UMAD1: variants seen among roughly 807,000 people sequenced by gnomAD.
UMAD1 encodes UBAP1-MVB12-associated (UMA)-domain containing protein 1.
In UMAD1, 8 loss-of-function variants were observed where a neutral mutation model predicts 6.1. That is an observed-to-expected ratio of 1.30 (90% CI 0.76 to 2.35). The LOEUF (loss-of-function observed/expected upper bound fraction) is 2.35, where lower values mean the gene tolerates loss of function less well. UMAD1 is among the 30% of genes most tolerant of loss of function. The pLI is 0.00. For missense variants in UMAD1, 130 were observed against 78.4 expected (o/e 1.66, Z -2.49); for synonymous variants, 56 against 31.4 (o/e 1.78, Z -2.61).
intron 2 of UMAD1, among the ~76,000 whole-genome samples, chr7:7,683,170 C>T (rs1019090410): frequency 3.3e-5 from 5 of 152,140 alleles, no homozygotes; most frequent in South Asian, 2.1e-4. Flanking sequence ...TCATTTTTTT[C>T]GGGGACTCAG....
At chr7:7,683,961 G>A (rs1779977999) in intron 2 of UMAD1, among the ~76,000 whole-genome samples, 1 of 152,064 alleles carries the variant, frequency 6.6e-6, no homozygotes, top group South Asian at 2.1e-4. Context: ...GTTTTCCCTT[G>A]GTATCTGTGG....
intron 2 of UMAD1, among the ~76,000 whole-genome samples, chr7:7,800,538 C>G (rs1429171550): frequency 6.6e-6 from 1 of 150,586 alleles, no homozygotes; most frequent in Non-Finnish European, 1.5e-5. Context: ...GTGCACCCAT[C>G]ACCTGAGCGG....
In UMAD1 at chr7:7,751,113, T is replaced by TACACA. The variant is rs1360506867; in HGVS notation, c.83-50556_83-50555insCACAA. On this transcript the variant is annotated intron_variant, in intron 2 of 3. Transcript: ENST00000682710. Reference sequence around the variant, plus strand: ...TGTGTATATAGCTGAGCAATGTGAATATAATGCTGTCATTATTGTTTTCTG... The same window carrying TACACA: ...TGTGTATATAGCTGAGCAATGTGAATACACAATAATGCTGTCATTATTGTTTTCTG... Among the ~76,000 whole-genome samples the TACACA allele has an allele frequency of 3.4e-4, 52 of 152,354 alleles. No homozygotes were observed. In the East Asian group the frequency reaches 6.0e-3, roughly 17 times the overall value.
intron 3 of UMAD1, among the ~76,000 whole-genome samples, chr7:7,822,570 G>A (rs1276629211): frequency 6.6e-6 from 1 of 152,102 alleles, no homozygotes; most frequent in East Asian, 1.9e-4. Context: ...CCAGCACACA[G>A]ACCACTTGGT....
chr7:7,867,012 G>A (rs73061256), intron 3 of UMAD1, among the ~76,000 whole-genome samples: 21,832 of 152,090 alleles, frequency 0.14, 2,209 homozygotes, highest in Non-Finnish European at 0.2. Context: ...TTTATTGCAT[G>A]GAGGAAGTGA....
chr7:7,839,987 C>T (rs957581404), intron 3 of UMAD1, among the ~76,000 whole-genome samples: 2 of 151,968 alleles, frequency 1.3e-5, no homozygotes, highest in African/African-American at 2.4e-5. Flanking sequence ...AAAACATGGT[C>T]GGAACAAACA....
chr7:7,766,789 A>G (rs566245393), intron 2 of UMAD1, among the ~76,000 whole-genome samples: 3 of 152,202 alleles, frequency 2.0e-5, no homozygotes, highest in Non-Finnish European at 4.4e-5. Flanking sequence ...GATTTGGACA[A>G]TTCATTTTAA....
chr7:7,779,282 TC>T, intron 2 of UMAD1, among the ~76,000 whole-genome samples: 1 of 108,564 alleles, frequency 9.2e-6, no homozygotes, highest in East Asian at 2.4e-4. Context: ...GGAAGAAAAA[TC>T]TTTTTTTTAA....
At chr7:7,828,655 G>T (rs1783395377) in intron 3 of UMAD1, among the ~76,000 whole-genome samples, 1 of 152,154 alleles carries the variant, frequency 6.6e-6, no homozygotes, top group African/African-American at 2.4e-5. Context: ...AAAGGGGATA[G>T]CTCTTGACCT....
intron 2 of UMAD1, among the ~76,000 whole-genome samples, chr7:7,711,448 A>G (rs950613034): frequency 2.6e-5 from 4 of 152,134 alleles, no homozygotes; most frequent in African/African-American, 7.2e-5. Flanking sequence ...TATCCTTTTC[A>G]TATTATACTC....
chr7:7,734,015 A>G (rs1781302874), intron 2 of UMAD1, among the ~76,000 whole-genome samples: 2 of 152,144 alleles, frequency 1.3e-5, no homozygotes, highest in Admixed American at 6.5e-5. Flanking sequence ...AAGGATTAAC[A>G]GTGTGTGCTT....
chr7:7,869,615 G>T (rs1165641509), intron 3 of UMAD1, among the ~76,000 whole-genome samples: 1 of 152,110 alleles, frequency 6.6e-6, no homozygotes, highest in African/African-American at 2.4e-5. Flanking sequence ...ATAGGTTGCA[G>T]AAAAAAGCAG....
rs28912729 is a variant in UMAD1 at position 7,687,615 on chromosome 7, A to G, written c.82+14162A>G. ...AAAAGCTGAAGTGTTTAAAGTGTGC[A>G]TTAACTAGCAGAACATTATTAAAGA... is the stretch of plus-strand genomic sequence containing the variant. On this transcript the variant is annotated intron_variant, in intron 2 of 3. Transcript: ENST00000682710. 8.1e-3 allele frequency among the ~76,000 whole-genome samples: 1,235 copies of G among 152,324 alleles called. 19 individuals carry two copies. The highest frequency in any genetic ancestry group is 0.028 in the African/African-American group (1,179 of 41,572).
chr7:7,764,430 G>A (rs1486279237), intron 2 of UMAD1, among the ~76,000 whole-genome samples: 1 of 152,216 alleles, frequency 6.6e-6, no homozygotes, highest in Non-Finnish European at 1.5e-5. Context: ...GCAATATGAA[G>A]TTATACAGTG....
chr7:7,679,638 A>G (rs7798101), intron 2 of UMAD1, among the ~76,000 whole-genome samples: 8,260 of 72,580 alleles, frequency 0.11, 715 homozygotes, highest in Non-Finnish European at 0.16. Context: ...TATATATTTA[A>G]TTTATAGATA....
chr7:7,719,354 G>A (rs1453446599), intron 2 of UMAD1, among the ~76,000 whole-genome samples: 1 of 152,216 alleles, frequency 6.6e-6, no homozygotes, highest in Non-Finnish European at 1.5e-5. Flanking sequence ...CATTGCATCT[G>A]CACTTGTATC....
chr7:7,650,676 G>A (rs1404387250), intron 1 of UMAD1, among the ~76,000 whole-genome samples: 19 of 152,218 alleles, frequency 1.2e-4, no homozygotes, highest in Admixed American at 1.2e-3. Context: ...GGTTAAAGTG[G>A]CAATGTTACT....
intron 3 of UMAD1, among the ~76,000 whole-genome samples, chr7:7,829,526 C>CAA (rs71014719): frequency 1.3e-5 from 2 of 151,784 alleles, no homozygotes; most frequent in African/African-American, 2.4e-5. Context: ...TATAAATGGA[C>CAA]AAAAAAAGGA....
chr7:7,772,084 A>C (rs185985747), intron 2 of UMAD1, among the ~76,000 whole-genome samples: 5 of 152,288 alleles, frequency 3.3e-5, no homozygotes, highest in East Asian at 3.9e-4. Context: ...TTAAATTGTG[A>C]TTACTGTTTG....
Sources: gnomAD v4.1 joint callset for allele counts (sites outside exome capture counted in the v4.1 genomes callset) on GRCh38, gnomAD v4.1.1 for gene constraint, MANE v1.5 for transcripts, NCBI Gene and HGNC (gene_info 2026-07-23, HGNC 2026-07-21) for gene names.